IGFBP7: variants seen among roughly 807,000 people sequenced by gnomAD.
IGFBP7 encodes insulin like growth factor binding protein 7.
In IGFBP7, 31 loss-of-function variants were observed where a neutral mutation model predicts 29.4. The observed-to-expected ratio is 1.05, with a 90% CI of 0.79 to 1.42. The LOEUF (loss-of-function observed/expected upper bound fraction) is 1.42. Ranked by LOEUF, IGFBP7 falls within the 40% of genes most tolerant of loss-of-function variation. The pLI is 0.00. For missense variants in IGFBP7, 393 were observed against 395.5 expected, an observed-to-expected ratio of 0.99 and a Z score of 0.05; for synonymous variants, 172 against 174.9, an observed-to-expected ratio of 0.98 and a Z score of 0.13.
intron 1 of IGFBP7, 32 bp downstream of exon 1, chr4:57,109,845 G>T: frequency 6.5e-7 from 1 of 1,529,394 alleles, no homozygotes; most frequent in South Asian, 1.2e-5. Context: ...GCCGAGCGGC[G>T]CAGGGTTGGA....
chr4:57,039,349 G>A (rs1441562479), intron 2 of IGFBP7, among the ~76,000 whole-genome samples: 6 of 152,276 alleles, frequency 3.9e-5, no homozygotes, highest in African/African-American at 1.2e-4. Flanking sequence ...TTATAAGGTA[G>A]AGAACAGAGT....
At chr4:57,034,678 T>A (rs1434752476) in intron 2 of IGFBP7, among the ~76,000 whole-genome samples, 1 of 152,182 alleles carries the variant, frequency 6.6e-6, no homozygotes, top group Non-Finnish European at 1.5e-5. Flanking sequence ...TGTGTCGGCT[T>A]CAAACCTACA....
chr4:57,093,520 T>C (rs1300339585), intron 1 of IGFBP7, among the ~76,000 whole-genome samples: 1 of 151,860 alleles, frequency 6.6e-6, no homozygotes, highest in Non-Finnish European at 1.5e-5. Flanking sequence ...AAAAAGAATT[T>C]AAAATCCACT....
At chr4:57,049,988 A>G (rs1724463559) in intron 1 of IGFBP7, among the ~76,000 whole-genome samples, 1 of 152,124 alleles carries the variant, frequency 6.6e-6, no homozygotes, top group African/African-American at 2.4e-5. Flanking sequence ...ATTATTAATC[A>G]TGATTTTCTT....
At chr4:57,107,875 A>G (rs1726072899) in intron 1 of IGFBP7, among the ~76,000 whole-genome samples, 1 of 152,216 alleles carries the variant, frequency 6.6e-6, no homozygotes, top group Non-Finnish European at 1.5e-5. Context: ...AGACTGTGTG[A>G]GTGTTTGGTG....
At chr4:57,057,060 T>C (rs927261376) in intron 1 of IGFBP7, among the ~76,000 whole-genome samples, 5 of 152,164 alleles carry the variant, frequency 3.3e-5, no homozygotes, top group Admixed American at 1.3e-4. Context: ...GGATGGAGTA[T>C]AGTAGCACGA....
chr4:57,059,161 C>T (rs1355356075), intron 1 of IGFBP7, among the ~76,000 whole-genome samples: 3 of 152,124 alleles, frequency 2.0e-5, no homozygotes, highest in Non-Finnish European at 4.4e-5. Context: ...TGTAAATTAG[C>T]TCAACCATTG....
At chr4:57,075,104 A>G (rs1389918666) in intron 1 of IGFBP7, among the ~76,000 whole-genome samples, 2 of 152,246 alleles carry the variant, frequency 1.3e-5, no homozygotes, top group Non-Finnish European at 2.9e-5. Context: ...ATAGTTTGCA[A>G]ATTCAAAGTT....
intron 1 of IGFBP7, among the ~76,000 whole-genome samples, chr4:57,061,244 C>T (rs1724792830): frequency 6.6e-6 from 1 of 152,092 alleles, no homozygotes; most frequent in Admixed American, 6.6e-5. Flanking sequence ...CCAGTGGATG[C>T]CTGAAACTGT....
chr4:57,091,505 A>G (rs1725634832), intron 1 of IGFBP7, among the ~76,000 whole-genome samples: 1 of 152,214 alleles, frequency 6.6e-6, no homozygotes, highest in South Asian at 2.1e-4. Context: ...TTGGTTGCCT[A>G]ATTTATTAAT....
At chr4:57,072,918 C>A (rs1725091344) in intron 1 of IGFBP7, 1 of 728,742 alleles carries the variant, frequency 1.4e-6, no homozygotes, top group South Asian at 1.3e-5. Context: ...AACATGGACA[C>A]CCAGGGTAAT....
intron 1 of IGFBP7, among the ~76,000 whole-genome samples, chr4:57,107,917 A>G (rs916086949): frequency 6.6e-6 from 1 of 152,200 alleles, no homozygotes; most frequent in Non-Finnish European, 1.5e-5. Context: ...AAGGAATATT[A>G]AGTATAAACT....
intron 1 of IGFBP7, among the ~76,000 whole-genome samples, chr4:57,065,303 A>G (rs1724891825): frequency 6.6e-6 from 1 of 152,246 alleles, no homozygotes; most frequent in South Asian, 2.1e-4. Flanking sequence ...CTGCCAAGAG[A>G]GCTGGAGCAA....
At chr4:57,093,096 A>T (rs1418397968) in intron 1 of IGFBP7, among the ~76,000 whole-genome samples, 8 of 152,224 alleles carry the variant, frequency 5.3e-5, no homozygotes, top group African/African-American at 1.9e-4. Flanking sequence ...TTAGTGTTTA[A>T]TAACAAAAAA....
At chr4:57,064,674 C>G (rs1019426438) in intron 1 of IGFBP7, among the ~76,000 whole-genome samples, 9 of 152,106 alleles carry the variant, frequency 5.9e-5, no homozygotes, top group African/African-American at 2.2e-4. Flanking sequence ...TTTTCATATT[C>G]CTAAATGATG....
At chr4:57,046,833 A>T (rs950540632) in intron 1 of IGFBP7, among the ~76,000 whole-genome samples, 15 of 152,186 alleles carry the variant, frequency 9.9e-5, no homozygotes, top group African/African-American at 3.6e-4. Flanking sequence ...AAGGTGGACT[A>T]CCTACATTTT....
intron 1 of IGFBP7, among the ~76,000 whole-genome samples, chr4:57,100,436 C>CT (rs1215061151): frequency 6.6e-6 from 1 of 152,160 alleles, no homozygotes; most frequent in African/African-American, 2.4e-5. Flanking sequence ...ACCTCAGAGA[C>CT]ATTCATTCAT....
At chr4:57,034,350 G>GT (rs1724029833) in intron 2 of IGFBP7, among the ~76,000 whole-genome samples, 1 of 151,144 alleles carries the variant, frequency 6.6e-6, no homozygotes, top group Non-Finnish European at 1.5e-5. Context: ...ATAATGGTGA[G>GT]TTTTAAAAAA....
chr4:57,109,788 C>T, intron 1 of IGFBP7, 89 bp downstream of exon 1: 5 of 1,418,020 alleles, frequency 3.5e-6, no homozygotes, highest in Non-Finnish European at 4.6e-6. Context: ...GTGAGCAGCG[C>T]GGGGCGAGGC....
Sources: gnomAD v4.1 joint callset for allele counts (sites outside exome capture counted in the v4.1 genomes callset) on GRCh38, gnomAD v4.1.1 for gene constraint, MANE v1.5 for transcripts, NCBI Gene and HGNC (gene_info 2026-07-23, HGNC 2026-07-21) for gene names.